Variants in PPP1R14C observed in about 807,000 individuals in gnomAD.
The protein encoded by PPP1R14C is protein phosphatase 1 regulatory inhibitor subunit 14C.
In PPP1R14C, 16 loss-of-function variants were observed where a neutral mutation model predicts 20.4. The ratio of observed to expected loss-of-function variants is 0.78; its 90% CI spans 0.53 to 1.19. The LOEUF is 1.19. Among genes scored for constraint, PPP1R14C ranks in the 50% most tolerant of loss-of-function variants. PPP1R14C has a pLI of 0.00. For synonymous variants in PPP1R14C, 91 were observed against 91.0 expected, an observed-to-expected ratio of 1.00 and a Z score of 0.00; for missense variants, 211 against 220.1, an observed-to-expected ratio of 0.96 and a Z score of 0.26.
At chr6:150,218,478 C>A (rs1298961621) in intron 3 of PPP1R14C, among the ~76,000 whole-genome samples, 3 of 111,604 alleles carry the variant, frequency 2.7e-5, no homozygotes, top group Admixed American at 8.7e-5. Flanking sequence ...ATCTGAACCC[C>A]CCCCCCCAAA....
intron 1 of PPP1R14C, among the ~76,000 whole-genome samples, chr6:150,187,015 G>T (rs1385674528): frequency 4.0e-5 from 6 of 150,994 alleles, no homozygotes; most frequent in Non-Finnish European, 7.4e-5. Flanking sequence ...CACTCTTGTC[G>T]CCCAGGCTGG....
chr6:150,186,563 G>A (rs1009154305), intron 1 of PPP1R14C, among the ~76,000 whole-genome samples: 8 of 152,268 alleles, frequency 5.3e-5, no homozygotes, highest in South Asian at 2.1e-4. Flanking sequence ...GGGGAGCAGC[G>A]CCTCTGCACA....
At chr6:150,224,664 C>T (rs1778209341) in intron 3 of PPP1R14C, among the ~76,000 whole-genome samples, 3 of 152,210 alleles carry the variant, frequency 2.0e-5, no homozygotes, top group Non-Finnish European at 4.4e-5. Context: ...TTCTTGCATG[C>T]TGTCTACTTT....
intron 1 of PPP1R14C, chr6:150,194,829 G>A (rs938744719): frequency 1.0e-6 from 1 of 985,328 alleles, no homozygotes; most frequent in Non-Finnish European, 1.2e-6. Flanking sequence ...AGTGAGTACC[G>A]GGGAAGTCTA....
intron 1 of PPP1R14C, among the ~76,000 whole-genome samples, chr6:150,186,126 C>T (rs936495853): frequency 6.6e-6 from 1 of 152,154 alleles, no homozygotes; most frequent in Non-Finnish European, 1.5e-5. Flanking sequence ...CCCCACTGTT[C>T]TCAGGGCTTC....
chr6:150,165,546 C>G (rs1015207571), intron 1 of PPP1R14C, among the ~76,000 whole-genome samples: 1 of 152,222 alleles, frequency 6.6e-6, no homozygotes, highest in Non-Finnish European at 1.5e-5. Context: ...TATGGGCCTA[C>G]TATGTGGCAG....
chr6:150,209,866 AGT>A (rs1165979196), intron 1 of PPP1R14C, among the ~76,000 whole-genome samples: 1 of 138,040 alleles, frequency 7.2e-6, no homozygotes, highest in Non-Finnish European at 1.6e-5. Context: ...TGTGGATGTG[AGT>A]GTATGAATGG....
At chr6:150,198,371 G>A (rs1582914001) in intron 1 of PPP1R14C, among the ~76,000 whole-genome samples, 1 of 152,224 alleles carries the variant, frequency 6.6e-6, no homozygotes, top group East Asian at 1.9e-4. Context: ...GGGCCTGGAT[G>A]CCCGGCTTTG....
At chr6:150,188,482 CT>C (rs753993224) in intron 1 of PPP1R14C, among the ~76,000 whole-genome samples, 1,434 of 104,880 alleles carry the variant, frequency 0.014, 14 homozygotes, top group African/African-American at 0.041. Flanking sequence ...CAGGAATTAC[CT>C]TTTTTTTTTT....
chr6:150,153,372 G>C (rs1777271691), intron 1 of PPP1R14C, among the ~76,000 whole-genome samples: 1 of 152,214 alleles, frequency 6.6e-6, no homozygotes, highest in African/African-American at 2.4e-5. Flanking sequence ...TGAACTAAAA[G>C]GAAGTTGTGG....
At chr6:150,156,560 A>G (rs1777308268) in intron 1 of PPP1R14C, among the ~76,000 whole-genome samples, 1 of 152,212 alleles carries the variant, frequency 6.6e-6, no homozygotes, top group Admixed American at 6.5e-5. Flanking sequence ...GAGTTTTCAG[A>G]TTGGCAGAGA....
chr6:150,194,455 CAT>C lies in PPP1R14C; in HGVS notation c.307-20288_307-20287del, dbSNP rs1327570556. The C allele has an allele frequency of 1.1e-5, 11 of 982,950 alleles. No homozygotes were observed. In the African/African-American group the frequency reaches 1.6e-4, roughly 14 times the overall value. The allele number at this position is 982,950 out of a possible 1,614,324, so 60.9% of individuals were successfully genotyped here. A position where few individuals can be genotyped will look rare whatever the true frequency, so the allele number is the denominator to read the frequency against. The stretch of plus-strand genomic sequence containing the variant: ...ATACTGTAAACAGGATTTTAAGTGG[CAT>C]GTGTAATTTAGTGAAGAGAACCAAA... On this transcript the variant is annotated intron_variant, in intron 1 of 3. Coordinates refer to ENST00000361131, the MANE Select transcript of PPP1R14C (RefSeq NM_030949.3).
rs111451118 is a variant in PPP1R14C at position 150,197,919 on chromosome 6, C to T, written c.307-16825C>T. On this transcript the variant is annotated intron_variant, in intron 1 of 3. Coordinates refer to ENST00000361131, the MANE Select transcript of PPP1R14C (RefSeq NM_030949.3). ...CAGCTTTGTGTGCCCCTGCCTGCCA[C>T]GGTGGAGGAGGGCCTGGATGCCCGG... Among the ~76,000 whole-genome samples, 7 of 119,026 alleles carry T rather than the reference C, an allele frequency of 5.9e-5. No individual in the cohort carries two copies. The East Asian group carries it at 1.0e-3, about 17-fold the overall frequency. The allele number at this position is 119,026 out of a possible 152,430, so 78.1% of individuals were successfully genotyped here.
intron 1 of PPP1R14C, among the ~76,000 whole-genome samples, chr6:150,149,299 A>ATATGTG (rs1554280427): frequency 0.058 from 8,556 of 147,368 alleles, 313 homozygotes; most frequent in Non-Finnish European, 0.073. Context: ...CTCCATACAT[A>ATATGTG]TGTGTGTGTG....
At chr6:150,166,677 C>A (rs1173464706) in intron 1 of PPP1R14C, among the ~76,000 whole-genome samples, 2 of 152,146 alleles carry the variant, frequency 1.3e-5, no homozygotes, top group African/African-American at 4.8e-5. Context: ...CTTTTGAGGC[C>A]ACTGGGAGAG....
At position 150,248,756 on chromosome 6, in the gene PPP1R14C, A is replaced by G; in HGVS notation, c.434A>G (p.Lys145Arg). The change falls in exon 4 of 4, where the codon AAA becomes AGA. Residue 145 changes from lysine to arginine, a missense_variant. Coordinates refer to ENST00000361131, the MANE Select transcript of PPP1R14C (RefSeq NM_030949.3). ...DCYKPTEEFI[K>R]ELLSRIRGMR... ...TCTGATCTCTTTTAGGAATTTATCA[A>G]AGAGCTGCTTTCTCGGATAAGAGGC... The G allele has an allele frequency of 1.2e-6, 2 of 1,611,146 alleles. No homozygotes were observed.
At position 150,143,478 on chromosome 6, in the gene PPP1R14C, G is replaced by C. The variant is rs764654612; in HGVS notation, c.286G>C (p.Gly96Arg). 5.6e-6 allele frequency: 9 copies of C among 1,601,626 alleles called. No individual in the cohort carries two copies. The highest frequency in any genetic ancestry group is 7.7e-6 in the Non-Finnish European group (9 of 1,174,598). ...GGAGGAATGGATCGTGGAGCAGCTG[G>C]GTCAGCTCTACGGCTGCGAGGTACC... is the stretch of plus-strand genomic sequence containing the variant. ...VLEEWIVEQL[G>R]QLYGCEEEEM... The change falls in exon 1 of 4, where the codon GGT becomes CGT. Residue 96 changes from glycine to arginine, a missense_variant. Coordinates refer to ENST00000361131, the MANE Select transcript of PPP1R14C (RefSeq NM_030949.3). The surrounding 1 kb of genome is among the most constrained non-coding windows in gnomAD (Gnocchi z 5.6).
At chr6:150,231,272 T>C (rs561071933) in intron 3 of PPP1R14C, among the ~76,000 whole-genome samples, 6 of 152,346 alleles carry the variant, frequency 3.9e-5, no homozygotes, top group African/African-American at 1.4e-4. Flanking sequence ...TTTTCCAAGC[T>C]CCCTGGAAAT....
At chr6:150,227,859 G>T (rs1227897805) in intron 3 of PPP1R14C, among the ~76,000 whole-genome samples, 1 of 152,138 alleles carries the variant, frequency 6.6e-6, no homozygotes, top group Non-Finnish European at 1.5e-5. Context: ...AAAGGATTGG[G>T]GTTTATTAGC....
Sources: gnomAD v4.1 joint callset for allele counts (sites outside exome capture counted in the v4.1 genomes callset) on GRCh38, gnomAD v4.1.1 for gene constraint, Gnocchi (gnomAD v3.1) non-coding constraint, MANE v1.5 for transcripts, NCBI Gene and HGNC (gene_info 2026-07-23, HGNC 2026-07-21) for gene names.